NOX5: variants seen among roughly 807,000 people sequenced by gnomAD.
NOX5 encodes the protein NADPH oxidase, EF-hand calcium binding domain 5.
A neutral mutation model predicts 85.7 loss-of-function variants in NOX5; 76 were observed. That is an observed-to-expected ratio of 0.89 (90% CI 0.74 to 1.07). The LOEUF is 1.07. NOX5 is among the 50% of genes least tolerant of loss of function. The pLI, the probability that NOX5 is intolerant of heterozygous loss-of-function variation, is 0.00. For missense variants in NOX5, 973 were observed against 999.5 expected (o/e 0.97, Z 0.36); for synonymous variants, 405 against 401.4 (o/e 1.01, Z -0.11).
intron 9 of NOX5, among the ~76,000 whole-genome samples, chr15:69,042,198 C>T (rs1353626867): frequency 6.6e-6 from 1 of 152,144 alleles, no homozygotes; most frequent in Non-Finnish European, 1.5e-5. Flanking sequence ...ACCACATTTC[C>T]ATCAGTCATT....
chr15:69,027,911 TG>T (rs796538880), intron 2 of NOX5, among the ~76,000 whole-genome samples: 5 of 152,170 alleles, frequency 3.3e-5, no homozygotes, highest in African/African-American at 1.2e-4. Flanking sequence ...ACCCAGAGGC[TG>T]GGATTTAAAG....
rs1261578006 is a variant in NOX5 at position 69,042,679 on chromosome 15, C to T, written c.1521C>T (p.His507=). The T allele has an allele frequency of 6.2e-7, 1 of 1,613,640 alleles. No homozygotes were observed. The highest frequency in any genetic ancestry group is 1.7e-5 in the Admixed American group (1 of 60,008). ...APEQKDTIWL[H]IRSQGQWTNR... Reference sequence around the variant, plus strand: ...CTTTCTCAGACACTATCTGGCTGCACATTCGGTCCCAAGGCCAGTGGACAA... The same window carrying T: ...CTTTCTCAGACACTATCTGGCTGCATATTCGGTCCCAAGGCCAGTGGACAA... The change falls in exon 10 of 16, where the codon CAC becomes CAT. Residue 507 remains histidine, a synonymous_variant. Coordinates refer to ENST00000388866, the MANE Select transcript of NOX5 (RefSeq NM_024505.4).
At chr15:69,036,344 C>T (rs192893978) in intron 7 of NOX5, among the ~76,000 whole-genome samples, 3 of 152,272 alleles carry the variant, frequency 2.0e-5, no homozygotes, top group East Asian at 1.9e-4. Flanking sequence ...GAATTATAGG[C>T]GATAATACAT....
intron 14 of NOX5, among the ~76,000 whole-genome samples, chr15:69,054,322 G>A (rs745565090): frequency 9.9e-5 from 15 of 152,190 alleles, no homozygotes; most frequent in Admixed American, 3.3e-4. Flanking sequence ...ACTTTGTGGC[G>A]CAGAACTGCG....
intron 1 of NOX5, among the ~76,000 whole-genome samples, chr15:69,021,003 T>C (rs1459562404): frequency 6.6e-6 from 1 of 152,182 alleles, no homozygotes; most frequent in Non-Finnish European, 1.5e-5. Flanking sequence ...ATCCTTACAT[T>C]ACTAAACTAA....
chr15:69,047,662 C>T, intron 12 of NOX5, 125 bp downstream of exon 12: 4 of 1,375,272 alleles, frequency 2.9e-6, no homozygotes, highest in Non-Finnish European at 4.0e-6. Context: ...TCTTCTCTCT[C>T]TTTCCTCTCC....
At position 69,056,765 on chromosome 15, in the gene NOX5, C is replaced by T; in HGVS notation, c.*69C>T. 2 of 1,559,952 alleles carry T rather than the reference C, an allele frequency of 1.3e-6. No individual in the cohort carries two copies. Among genetic ancestry groups the T allele is most frequent in the Non-Finnish European group, 1.7e-6 (2 of 1,150,812 alleles). ...GCTTCATTGCATTAGTATAAATGCC[C>T]CCACAGGGACCAGCCTCAGATGACC... On this transcript the variant is annotated 3_prime_UTR_variant, in exon 16 of 16. Coordinates refer to ENST00000388866, the MANE Select transcript of NOX5 (RefSeq NM_024505.4).
At chr15:69,048,419 G>A (rs1325000539) in intron 13 of NOX5, among the ~76,000 whole-genome samples, 1 of 152,122 alleles carries the variant, frequency 6.6e-6, no homozygotes, top group Non-Finnish European at 1.5e-5. Flanking sequence ...TGTGGTCCCA[G>A]CTACTTGGGA....
intron 15 of NOX5, 91 bp from the exon 16 acceptor site, chr15:69,056,474 T>TTA: frequency 3.3e-6 from 5 of 1,528,832 alleles, no homozygotes; most frequent in Non-Finnish European, 4.4e-6. Flanking sequence ...TGCCGACCCG[T>TTA]TATGCTGTTA....
intron 5 of NOX5, among the ~76,000 whole-genome samples, chr15:69,034,369 G>A (rs2050484881): frequency 1.3e-5 from 2 of 152,262 alleles, no homozygotes; most frequent in African/African-American, 4.8e-5. Flanking sequence ...TCCCTAAAGT[G>A]GGTTTTGTCT....
Position 69,033,131 on chromosome 15 carries a change from AG to A in NOX5, c.710del (p.Ser237ThrfsTer51). ...CCGCGCCTACTGGCACAACCACCGCAGCCAGCTGTTCTGCCTGGCCACCTAT... is the reference window on the plus strand; with the variant it reads ...CCGCGCCTACTGGCACAACCACCGCACCAGCTGTTCTGCCTGGCCACCTAT... ...LTRAYWHNHRSQLFCLATYAG... is the reference protein window; with the variant it reads ...LTRAYWHNHRXQLFCLATYAG... On this transcript the variant is annotated frameshift_variant, in exon 5 of 16. Transcript: ENST00000388866. LOFTEE classifies it high-confidence loss of function. 5.1e-6 allele frequency: 8 copies of A among 1,566,210 alleles called. No homozygotes were observed. Among genetic ancestry groups the A allele is most frequent in the Non-Finnish European group, 6.9e-6 (8 of 1,162,374 alleles).
rs1250928108 is a variant in NOX5 at position 69,056,815 on chromosome 15, A to AC, written c.*124dup. ...CCACCCAATAAGACAAAGCCTAGGG[A>AC]CCCCCTAATCCTGCTCAACAGAGAG... On this transcript the variant is annotated 3_prime_UTR_variant, in exon 16 of 16. Transcript: ENST00000388866. The AC allele has an allele frequency of 7.7e-7, 1 of 1,297,602 alleles. No homozygotes were observed. The highest frequency in any genetic ancestry group is 1.0e-6 in the Non-Finnish European group (1 of 954,860). 80.4% of individuals were successfully genotyped at this position (1,297,602 alleles called of 1,614,324 possible). A position where few individuals can be genotyped will look rare whatever the true frequency, so the allele number is the denominator to read the frequency against.
At chr15:69,034,691 G>A (rs553710080) in intron 5 of NOX5, among the ~76,000 whole-genome samples, 3 of 152,270 alleles carry the variant, frequency 2.0e-5, no homozygotes, top group Admixed American at 1.3e-4. Flanking sequence ...AACACAACAC[G>A]TGCCCATCTG....
At chr15:69,042,285 G>T (rs902638148) in intron 9 of NOX5, among the ~76,000 whole-genome samples, 1 of 152,166 alleles carries the variant, frequency 6.6e-6, no homozygotes, top group African/African-American at 2.4e-5. Flanking sequence ...TACCACCATG[G>T]ACTGAGCGCC....
chr15:69,045,398 T>C (rs987170497), intron 10 of NOX5, among the ~76,000 whole-genome samples: 1 of 152,194 alleles, frequency 6.6e-6, no homozygotes, highest in African/African-American at 2.4e-5. Context: ...TCAATGTTAT[T>C]AAATTCTTGC....
intron 1 of NOX5, among the ~76,000 whole-genome samples, chr15:69,020,201 C>G (rs1315173706): frequency 6.6e-6 from 1 of 152,164 alleles, no homozygotes; most frequent in Non-Finnish European, 1.5e-5. Flanking sequence ...TATTTTATAA[C>G]AGGTGTGACC....
At chr15:69,029,283 G>T (rs1271764924) in intron 3 of NOX5, 1 of 152,186 alleles carries the variant, frequency 6.6e-6, no homozygotes, top group Non-Finnish European at 1.5e-5. Context: ...ATGTCACTTA[G>T]TATAGTATCC....
At chr15:69,047,697 T>C (rs2050693243) in intron 12 of NOX5, 133 bp from the exon 13 acceptor site, 3 of 1,297,770 alleles carry the variant, frequency 2.3e-6, no homozygotes, top group Non-Finnish European at 2.1e-6. Flanking sequence ...CTCCTTTTTG[T>C]GTCTCATCCC....
intron 9 of NOX5, among the ~76,000 whole-genome samples, chr15:69,042,178 G>A (rs1384844119): frequency 6.6e-6 from 1 of 151,868 alleles, no homozygotes; most frequent in Admixed American, 6.6e-5. Flanking sequence ...GAAGAGTCAC[G>A]TCACCTCACA....
Sources: gnomAD v4.1 joint callset for allele counts (sites outside exome capture counted in the v4.1 genomes callset) on GRCh38, gnomAD v4.1.1 for gene constraint, MANE v1.5 for transcripts, NCBI Gene and HGNC (gene_info 2026-07-23, HGNC 2026-07-21) for gene names.